Variants in TAMM41 observed in about 807,000 individuals in gnomAD.
TAMM41 encodes TAM41 mitochondrial translocator assembly and maintenance homolog.
A neutral mutation model predicts 44.1 loss-of-function variants in TAMM41; 36 were observed. The ratio of observed to expected loss-of-function variants is 0.82; its 90% CI spans 0.63 to 1.08. The LOEUF is 1.08. TAMM41 is among the 50% of genes least tolerant of loss of function. The pLI is 0.00. For missense variants in TAMM41, 417 were observed against 404.3 expected, an observed-to-expected ratio of 1.03 and a Z score of -0.27; for synonymous variants, 164 against 153.1, an observed-to-expected ratio of 1.07 and a Z score of -0.53.
At chr3:11,826,129 T>C (rs1002421067) in intron 4 of TAMM41, among the ~76,000 whole-genome samples, 1 of 152,108 alleles carries the variant, frequency 6.6e-6, no homozygotes, top group African/African-American at 2.4e-5. Context: ...CACTGGATGA[T>C]TGAGCAAATA....
the TAMM41 span, among the ~76,000 whole-genome samples, chr3:11,735,359 GA>G: frequency 6.6e-6 from 1 of 151,826 alleles, no homozygotes; most frequent in African/African-American, 2.4e-5. Flanking sequence ...TCTTGTCTCT[GA>G]AAAAAATTTT....
intron 3 of TAMM41, among the ~76,000 whole-genome samples, chr3:11,831,745 T>C (rs527421570): frequency 2.0e-5 from 3 of 152,272 alleles, no homozygotes; most frequent in African/African-American, 4.8e-5. Flanking sequence ...ATAAAACATA[T>C]AACTATTATT....
At chr3:11,790,930 C>G (rs969427129) in intron 7 of TAMM41, among the ~76,000 whole-genome samples, 1 of 152,198 alleles carries the variant, frequency 6.6e-6, no homozygotes, top group Non-Finnish European at 1.5e-5. Context: ...GGTCCCCGTT[C>G]TCTCAGGCCT....
In TAMM41 at chr3:11,846,656, G is replaced by T. The variant is rs373792994; in HGVS notation, c.-20C>A. 173 of 1,614,094 alleles carry T rather than the reference G, an allele frequency of 1.1e-4. No homozygotes were observed. The highest frequency in any genetic ancestry group is 4.9e-4 in the Middle Eastern group (3 of 6,062). On this transcript the variant is annotated 5_prime_UTR_variant, in exon 1 of 8. Transcript: ENST00000455809. Reference sequence around the variant, plus strand: ...CGCCATGGGGTCGAGGCTAACAGGGGACACTCAGCGCAGCAGGGCGAGGAC... The same window carrying T: ...CGCCATGGGGTCGAGGCTAACAGGGTACACTCAGCGCAGCAGGGCGAGGAC...
the TAMM41 span, among the ~76,000 whole-genome samples, chr3:11,757,491 C>T: frequency 6.6e-6 from 1 of 152,248 alleles, no homozygotes; most frequent in South Asian, 2.1e-4. Context: ...GCTGCAGAAC[C>T]ATAAGCCTTA....
intron 7 of TAMM41, among the ~76,000 whole-genome samples, chr3:11,792,704 C>T (rs2077508504): frequency 6.6e-6 from 1 of 152,158 alleles, no homozygotes; most frequent in Non-Finnish European, 1.5e-5. Flanking sequence ...AACTGCTAAA[C>T]ATATAGAAAA....
the TAMM41 span, among the ~76,000 whole-genome samples, chr3:11,784,017 T>C: frequency 2.6e-5 from 4 of 152,124 alleles, no homozygotes; most frequent in African/African-American, 7.2e-5. Context: ...TGTGGAACCA[T>C]GTTCAATAAA....
chr3:11,729,145 A>G, the TAMM41 span, among the ~76,000 whole-genome samples: 1 of 152,128 alleles, frequency 6.6e-6, no homozygotes, highest in Non-Finnish European at 1.5e-5. Flanking sequence ...GATTGCTCAG[A>G]CCCAGACATC....
At chr3:11,726,923 A>C in the TAMM41 span, among the ~76,000 whole-genome samples, 3 of 152,004 alleles carry the variant, frequency 2.0e-5, no homozygotes, top group Non-Finnish European at 4.4e-5. Flanking sequence ...TTCTTTTCTC[A>C]TAGTGTGAGA....
intron 7 of TAMM41, among the ~76,000 whole-genome samples, chr3:11,797,000 CACAA>C (rs1303472707): frequency 6.6e-6 from 1 of 152,138 alleles, no homozygotes. Flanking sequence ...TCAGAGATGA[CACAA>C]ACAAATGGAA....
At chr3:11,789,280 C>G (rs1281208652), downstream of TAMM41, among the ~76,000 whole-genome samples, 1 of 152,216 alleles carries the variant, frequency 6.6e-6, no homozygotes, top group African/African-American at 2.4e-5. Flanking sequence ...ATGAGCTGAA[C>G]TCAATAGTAA....
At chr3:11,732,834 G>A in the TAMM41 span, among the ~76,000 whole-genome samples, 2 of 152,064 alleles carry the variant, frequency 1.3e-5, no homozygotes, top group Admixed American at 1.3e-4. Flanking sequence ...TGGAAGGAAG[G>A]CCTGGGTGGC....
At chr3:11,836,495 G>T (rs902227914) in intron 3 of TAMM41, among the ~76,000 whole-genome samples, 1 of 152,112 alleles carries the variant, frequency 6.6e-6, no homozygotes, top group Non-Finnish European at 1.5e-5. Context: ...ACAGAGTCTC[G>T]CTTTGTCACC....
At chr3:11,844,419 G>T (rs1475386725) in intron 1 of TAMM41, among the ~76,000 whole-genome samples, 1 of 152,156 alleles carries the variant, frequency 6.6e-6, no homozygotes, top group African/African-American at 2.4e-5. Context: ...AACATGTATT[G>T]TTGTGCCAGC....
At chr3:11,737,704 A>G in the TAMM41 span, among the ~76,000 whole-genome samples, 2 of 152,208 alleles carry the variant, frequency 1.3e-5, no homozygotes, top group Non-Finnish European at 2.9e-5. Context: ...TGTAGCTTTT[A>G]AGCAGCTATA....
chr3:11,808,603 T>C (rs1228658471), intron 6 of TAMM41: 9 of 985,364 alleles, frequency 9.1e-6, no homozygotes, highest in Non-Finnish European at 1.1e-5. Flanking sequence ...AACAGGAGAA[T>C]GCACTCAATT....
At chr3:11,813,777 C>T (rs1176397036) in intron 5 of TAMM41, among the ~76,000 whole-genome samples, 1 of 151,392 alleles carries the variant, frequency 6.6e-6, no homozygotes, top group Admixed American at 6.6e-5. Context: ...AAGTGGGACC[C>T]TGTCTCTACA....
At chr3:11,840,557 A>T (rs2079390642) in intron 2 of TAMM41, among the ~76,000 whole-genome samples, 1 of 151,982 alleles carries the variant, frequency 6.6e-6, no homozygotes, top group South Asian at 2.1e-4. Flanking sequence ...TTACAGCAAT[A>T]CCACAGTCAC....
chr3:11,782,239 T>C, the TAMM41 span, among the ~76,000 whole-genome samples: 2 of 152,156 alleles, frequency 1.3e-5, no homozygotes, highest in East Asian at 1.9e-4. Context: ...GTTTTCTTGG[T>C]TGTAAAATTT....
Sources: allele counts gnomAD v4.1 joint callset (sites outside exome capture counted in the v4.1 genomes callset), GRCh38; gene constraint gnomAD v4.1.1; transcripts MANE v1.5; gene names NCBI Gene and HGNC (gene_info 2026-07-23, HGNC 2026-07-21).